The following EBF3 variants were observed in gnomAD, a reference collection of about 807,000 sequenced individuals.
The protein encoded by EBF3 is transcription factor COE3.
Under a neutral mutation model 77.1 loss-of-function variants are expected in EBF3, and 18 were observed. The ratio of observed to expected loss-of-function variants is 0.23; its 90% CI spans 0.16 to 0.35. The LOEUF is 0.35. Among genes scored for constraint, EBF3 ranks in the 10% least tolerant of loss-of-function variants. The pLI, the probability that EBF3 is intolerant of heterozygous loss-of-function variation, is 1.00. For missense variants in EBF3, 558 were observed against 860.0 expected (o/e 0.65, Z 4.39); for synonymous variants, 350 against 343.5 (o/e 1.02, Z -0.21).
chr10:129,935,798 G>C lies in EBF3; in HGVS notation c.554+21460C>G, dbSNP rs1857316931. On this transcript the variant is annotated intron_variant, in intron 6 of 16. Coordinates refer to ENST00000440978, the MANE Select transcript of EBF3 (RefSeq NM_001375380.1). The surrounding 1 kb of genome is among the most constrained non-coding windows in gnomAD (Gnocchi z 4.2). ...TTGGCCCTGCCACACCGGGGCCTCA[G>C]GCAAAGCCAAGGGCATAGAATGTGG... 6.6e-6 allele frequency among the ~76,000 whole-genome samples: 1 copy of C among 152,226 alleles called. No homozygotes were observed. Among genetic ancestry groups the C allele is most frequent in the South Asian group, 2.1e-4 (1 of 4,830 alleles).
intron 6 of EBF3, among the ~76,000 whole-genome samples, chr10:129,914,033 A>G (rs1407107364): frequency 6.6e-6 from 1 of 152,234 alleles, no homozygotes; most frequent in East Asian, 1.9e-4. Context: ...CACCCATCCC[A>G]TTCACAAAAC....
intron 6 of EBF3, among the ~76,000 whole-genome samples, chr10:129,896,851 G>A (rs565875564): frequency 2.0e-4 from 31 of 152,312 alleles, no homozygotes; most frequent in Admixed American, 3.9e-4. Flanking sequence ...CAGGGGAGTC[G>A]ACCATTAAAT....
chr10:129,898,971 C>G (rs1342594696), intron 6 of EBF3, among the ~76,000 whole-genome samples: 1 of 152,172 alleles, frequency 6.6e-6, no homozygotes, highest in African/African-American at 2.4e-5. Context: ...GGTGTCTGAT[C>G]TGTAAAAAGT....
rs1174802107 is a variant in EBF3, at chr10:129,848,667, G to T, written c.1040-187C>A. Among the ~76,000 whole-genome samples, 3 of 152,140 alleles carry T rather than the reference G, an allele frequency of 2.0e-5. No homozygotes were observed. Among genetic ancestry groups the T allele is most frequent in the Non-Finnish European group, 4.4e-5 (3 of 68,024 alleles). Reference sequence around the variant, plus strand: ...CCTTTCTTTTGCACATAAAAGCAACGATTATTTCTGATCTATAATTAGACT... The same window carrying T: ...CCTTTCTTTTGCACATAAAAGCAACTATTATTTCTGATCTATAATTAGACT... On this transcript the variant is annotated intron_variant, in intron 10 of 16. Transcript: ENST00000440978. This position sits in a 1 kb window ranked among gnomAD's most constrained non-coding sequence, Gnocchi z 4.4.
intron 5 of EBF3, 32 bp downstream of exon 5, chr10:129,958,902 C>A (rs751682551): frequency 6.3e-7 from 1 of 1,580,724 alleles, no homozygotes; most frequent in South Asian, 1.1e-5. Flanking sequence ...CGAGGCAGCC[C>A]GCGCCCCCGC....
Position 129,842,352 on chromosome 10 carries a change from A to T in EBF3, c.1195-59T>A. The T allele has an allele frequency of 6.8e-7, 1 of 1,475,852 alleles. No individual in the cohort carries two copies. Among genetic ancestry groups the T allele is most frequent in the African/African-American group, 1.5e-5 (1 of 68,634 alleles). 91.4% of individuals were successfully genotyped at this position (1,475,852 alleles called of 1,614,324 possible). On this transcript the variant is annotated intron_variant, in intron 12 of 16. Coordinates refer to ENST00000440978, the MANE Select transcript of EBF3 (RefSeq NM_001375380.1). This position sits in a 1 kb window ranked among gnomAD's most constrained non-coding sequence, Gnocchi z 4.4. ...CCCCAGGCCCGGCCCAGCTGGCCGC[A>T]CTCTCGGGGGCCCACCATGGTGGCA...
chr10:129,905,535 C>T (rs1855081446), intron 6 of EBF3, among the ~76,000 whole-genome samples: 1 of 152,016 alleles, frequency 6.6e-6, no homozygotes, highest in African/African-American at 2.4e-5. Context: ...GTTCACTGGC[C>T]ACCACTGGTC....
chr10:129,880,306 C>T (rs952260828), intron 6 of EBF3, among the ~76,000 whole-genome samples: 1 of 151,976 alleles, frequency 6.6e-6, no homozygotes, highest in Non-Finnish European at 1.5e-5. Flanking sequence ...ATGCCACCCA[C>T]ACATACACAC....
intron 16 of EBF3, among the ~76,000 whole-genome samples, 200 bp from the exon 17 acceptor site, chr10:129,838,160 C>T (rs1222010130): frequency 6.6e-6 from 1 of 152,242 alleles, no homozygotes; most frequent in Admixed American, 6.5e-5. Context: ...GGGACAACAA[C>T]CCCCAGTCCT....
intron 10 of EBF3, among the ~76,000 whole-genome samples, chr10:129,857,752 G>A (rs1306189231): frequency 6.6e-6 from 1 of 152,114 alleles, no homozygotes; most frequent in African/African-American, 2.4e-5. Flanking sequence ...ACCCACTGCC[G>A]GGTGGGCAGG....
At chr10:129,907,205 A>G (rs1165623517) in intron 6 of EBF3, among the ~76,000 whole-genome samples, 1 of 152,192 alleles carries the variant, frequency 6.6e-6, no homozygotes, top group Non-Finnish European at 1.5e-5. Context: ...TCTGTCAATC[A>G]CCTTTCAAAG....
Position 129,840,243 on chromosome 10 carries a change from A to AC in EBF3, c.1759+1dup. ...TGGCCCACGGCCCCGCACCACCCTC[A>AC]CCTTGCAGTCCATTCCCGTTGGCGC... is the stretch of plus-strand genomic sequence containing the variant. On this transcript the variant is annotated splice_donor_variant, in intron 15 of 16. Transcript: ENST00000440978. LOFTEE classifies it high-confidence loss of function. The AC allele has an allele frequency of 6.4e-7, 1 of 1,563,674 alleles. No homozygotes were observed. Among genetic ancestry groups the AC allele is most frequent in the Non-Finnish European group, 8.7e-7 (1 of 1,153,406 alleles).
At chr10:129,926,054 C>T (rs1263073960) in intron 6 of EBF3, among the ~76,000 whole-genome samples, 1 of 152,244 alleles carries the variant, frequency 6.6e-6, no homozygotes, top group African/African-American at 2.4e-5. Flanking sequence ...TGCTGAGAGA[C>T]ATCTGAGGAC....
chr10:129,928,590 T>A (rs1856819593), intron 6 of EBF3, among the ~76,000 whole-genome samples: 1 of 152,234 alleles, frequency 6.6e-6, no homozygotes, highest in South Asian at 2.1e-4. Flanking sequence ...ATTATCTGCA[T>A]TTCTAGGTGC....
intron 6 of EBF3, among the ~76,000 whole-genome samples, chr10:129,883,987 C>T (rs533037533): frequency 1.3e-5 from 2 of 152,332 alleles, no homozygotes; most frequent in African/African-American, 2.4e-5. Context: ...GCACGTGATC[C>T]GAGGCCCTCA....
At chr10:129,934,226 C>T (rs527975) in intron 6 of EBF3, among the ~76,000 whole-genome samples, 167 of 151,410 alleles carry the variant, frequency 1.1e-3, no homozygotes, top group African/African-American at 3.6e-3. Context: ...ATGCCCCTCC[C>T]TCCACCCTTG....
chr10:129,902,540 A>G (rs1468017782), intron 6 of EBF3, among the ~76,000 whole-genome samples: 1 of 152,178 alleles, frequency 6.6e-6, no homozygotes, highest in Admixed American at 6.5e-5. Flanking sequence ...AAAACCCAGC[A>G]GAAAGTCCCA....
intron 6 of EBF3, among the ~76,000 whole-genome samples, chr10:129,927,909 C>CT (rs1856779392): frequency 6.6e-6 from 1 of 152,134 alleles, no homozygotes; most frequent in Non-Finnish European, 1.5e-5. Context: ...CAGGCAAACT[C>CT]TATTTCCACC....
chr10:129,843,020 G>C lies in EBF3; in HGVS notation c.1194+117C>G, dbSNP rs978924157. 71 of 958,548 alleles carry C rather than the reference G, an allele frequency of 7.4e-5. No homozygotes were observed. In the East Asian group the frequency reaches 1.6e-3, roughly 22 times the overall value. The allele number at this position is 958,548 out of a possible 1,614,324, so 59.4% of individuals were successfully genotyped here. ...GAAGCCATTCTCACATCAGACTCCT[G>C]TGGAGTCGCTGGAAAAGCATGCTTA... On this transcript the variant is annotated intron_variant, in intron 12 of 16. Transcript: ENST00000440978.
Sources: gnomAD v4.1 joint callset for allele counts (sites outside exome capture counted in the v4.1 genomes callset) on GRCh38, gnomAD v4.1.1 for gene constraint, Gnocchi (gnomAD v3.1) non-coding constraint, MANE v1.5 for transcripts, NCBI Gene and HGNC (gene_info 2026-07-23, HGNC 2026-07-21) for gene names.